CLYBL: variants seen among roughly 807,000 people sequenced by gnomAD.
CLYBL encodes the protein citramalyl-CoA lyase, mitochondrial.
In CLYBL, 31 loss-of-function variants were observed where a neutral mutation model predicts 38.9. That is an observed-to-expected ratio of 0.80 (90% CI 0.60 to 1.08). The LOEUF (loss-of-function observed/expected upper bound fraction) is 1.08. Ranked by LOEUF, CLYBL falls within the 50% of genes least tolerant of loss-of-function variation. CLYBL has a pLI of 0.00. For missense variants in CLYBL, 434 were observed against 411.6 expected (o/e 1.05, Z -0.47); for synonymous variants, 171 against 158.6 (o/e 1.08, Z -0.59).
chr13:99,838,666 C>A (rs1202794550), intron 2 of CLYBL, among the ~76,000 whole-genome samples: 5 of 152,170 alleles, frequency 3.3e-5, no homozygotes, highest in African/African-American at 1.2e-4. Context: ...AACGGAGTCT[C>A]ATGCTGTCAC....
chr13:99,705,751 G>A (rs2048137442), intron 1 of CLYBL, among the ~76,000 whole-genome samples: 1 of 152,118 alleles, frequency 6.6e-6, no homozygotes, highest in African/African-American at 2.4e-5. Flanking sequence ...GGGGCTGGGG[G>A]GAAGGAGGGA....
intron 1 of CLYBL, among the ~76,000 whole-genome samples, chr13:99,748,646 G>A (rs1187139941): frequency 6.6e-6 from 1 of 150,910 alleles, no homozygotes; most frequent in African/African-American, 2.4e-5. Context: ...TCACCATGTT[G>A]GCCAAGCTGA....
chr13:99,651,940 A>AG (rs1470174487), intron 1 of CLYBL, among the ~76,000 whole-genome samples: 1 of 151,102 alleles, frequency 6.6e-6, no homozygotes. Flanking sequence ...TTGGGGGGAA[A>AG]AAAAGATTCT....
chr13:99,817,249 AATGTGTGT>A (rs768143237), intron 2 of CLYBL, among the ~76,000 whole-genome samples: 6 of 152,110 alleles, frequency 3.9e-5, no homozygotes, highest in Non-Finnish European at 8.8e-5. Context: ...CTTTAGCTTT[AATGTGTGT>A]ATGAGAGAGA....
chr13:99,620,576 A>G (rs1226568730), intron 1 of CLYBL, among the ~76,000 whole-genome samples: 1 of 152,206 alleles, frequency 6.6e-6, no homozygotes, highest in Non-Finnish European at 1.5e-5. Flanking sequence ...GGAGTTGGAG[A>G]CCAACCTGGC....
chr13:99,706,939 A>G (rs2048155593), intron 1 of CLYBL, among the ~76,000 whole-genome samples: 1 of 152,080 alleles, frequency 6.6e-6, no homozygotes, highest in Admixed American at 6.5e-5. Flanking sequence ...AGTAGCCAGG[A>G]CTACAGGTGC....
intron 1 of CLYBL, among the ~76,000 whole-genome samples, chr13:99,608,320 G>T (rs551232295): frequency 1.1e-4 from 17 of 152,092 alleles, no homozygotes; most frequent in African/African-American, 3.9e-4. Flanking sequence ...TGATCCACCT[G>T]CCTCGGCCTC....
At chr13:99,659,929 G>C (rs1473060289) in intron 1 of CLYBL, among the ~76,000 whole-genome samples, 1 of 152,082 alleles carries the variant, frequency 6.6e-6, no homozygotes, top group Admixed American at 6.5e-5. Context: ...GGCGATTTCT[G>C]GGCATAATAT....
At chr13:99,856,997 A>G (rs1364230235) in intron 2 of CLYBL, among the ~76,000 whole-genome samples, 1 of 151,778 alleles carries the variant, frequency 6.6e-6, no homozygotes, top group Non-Finnish European at 1.5e-5. Flanking sequence ...TACTGAGCCA[A>G]CTTCTGCTCT....
At chr13:99,629,386 A>G (rs1355512784) in intron 1 of CLYBL, among the ~76,000 whole-genome samples, 3 of 152,158 alleles carry the variant, frequency 2.0e-5, no homozygotes, top group East Asian at 1.9e-4. Context: ...GTCCCCATCT[A>G]TCCGCCTTCC....
At chr13:99,692,895 A>G (rs1372880293) in intron 1 of CLYBL, among the ~76,000 whole-genome samples, 1 of 152,132 alleles carries the variant, frequency 6.6e-6, no homozygotes, top group Non-Finnish European at 1.5e-5. Context: ...ATGTTGTAGC[A>G]TGCATTAGTA....
At chr13:99,818,789 T>G (rs1183047736) in intron 2 of CLYBL, among the ~76,000 whole-genome samples, 1 of 152,230 alleles carries the variant, frequency 6.6e-6, no homozygotes, top group Non-Finnish European at 1.5e-5. Context: ...CAGTAACAGT[T>G]TAAATATAAT....
intron 1 of CLYBL, among the ~76,000 whole-genome samples, chr13:99,691,814 A>C (rs992047554): frequency 6.6e-6 from 1 of 152,208 alleles, no homozygotes; most frequent in Non-Finnish European, 1.5e-5. Context: ...AGGCGTAGTC[A>C]CTGCCTCCAA....
At chr13:99,781,109 T>C (rs1407627549) in intron 2 of CLYBL, among the ~76,000 whole-genome samples, 1 of 151,282 alleles carries the variant, frequency 6.6e-6, no homozygotes, top group African/African-American at 2.4e-5. Context: ...GTTTCTTTTT[T>C]CATCTTTCTT....
At chr13:99,787,145 C>T (rs964990048) in intron 2 of CLYBL, among the ~76,000 whole-genome samples, 5 of 152,040 alleles carry the variant, frequency 3.3e-5, no homozygotes, top group African/African-American at 4.8e-5. Flanking sequence ...TTCTCCCATT[C>T]TGTAGGTTGC....
chr13:99,626,105 T>C (rs1439644438), intron 1 of CLYBL, among the ~76,000 whole-genome samples: 1 of 152,156 alleles, frequency 6.6e-6, no homozygotes, highest in African/African-American at 2.4e-5. Flanking sequence ...GAAGATGCCA[T>C]GGCCGGTGGT....
At chr13:99,894,801 G>T (rs1383155638), downstream of CLYBL, 1 of 144,444 alleles carries the variant, frequency 6.9e-6, no homozygotes, top group Non-Finnish European at 1.5e-5. Context: ...GACAATCTGT[G>T]ACAACCTCAT....
At chr13:99,732,915 T>C (rs182062051) in intron 1 of CLYBL, among the ~76,000 whole-genome samples, 1 of 152,352 alleles carries the variant, frequency 6.6e-6, no homozygotes, top group East Asian at 1.9e-4. Flanking sequence ...AGTAAATAGG[T>C]AATTCTACTT....
chr13:99,889,950 C>T (rs986874139), intron 7 of CLYBL, among the ~76,000 whole-genome samples: 1 of 152,144 alleles, frequency 6.6e-6, no homozygotes, highest in Non-Finnish European at 1.5e-5. Flanking sequence ...CCCCAGATCT[C>T]GAAGGACCCC....
Sources: allele counts gnomAD v4.1 joint callset (sites outside exome capture counted in the v4.1 genomes callset), GRCh38; gene constraint gnomAD v4.1.1; transcripts MANE v1.5; gene names NCBI Gene and HGNC (gene_info 2026-07-23, HGNC 2026-07-21).